Variants in ATG13 observed in about 807,000 individuals in gnomAD.
The protein encoded by ATG13 is autophagy related 13, also known as autophagy-related protein 13.
Under a neutral mutation model 65.5 loss-of-function variants are expected in ATG13, and 23 were observed. That is an observed-to-expected ratio of 0.35 (90% CI 0.25 to 0.50). The LOEUF (loss-of-function observed/expected upper bound fraction) is 0.50. Ranked by LOEUF, ATG13 falls within the 20% of genes least tolerant of loss-of-function variation. ATG13 has a pLI of 0.98. For missense variants in ATG13, 566 were observed against 677.0 expected (o/e 0.84, Z 1.82); for synonymous variants, 252 against 245.2 (o/e 1.03, Z -0.26).
Position 46,667,903 on chromosome 11 carries a change from C to T in ATG13, c.1251+16C>T, listed in dbSNP as rs778480616. The T allele has an allele frequency of 6.3e-6, 10 of 1,579,794 alleles. No individual in the cohort carries two copies. Among genetic ancestry groups the T allele is most frequent in the Non-Finnish European group, 8.7e-7 (1 of 1,149,748 alleles). On this transcript the variant is annotated intron_variant, in intron 15 of 18. Transcript: ENST00000683050. Reference sequence around the variant, plus strand: ...CATTAACCAGGTGATTTTTCTGCCACTGCCACCTGTGAGAATGTCTGAGTT... The same window carrying T: ...CATTAACCAGGTGATTTTTCTGCCATTGCCACCTGTGAGAATGTCTGAGTT...
chr11:46,669,611 A>G, intron 18 of ATG13, 79 bp downstream of exon 18: 1 of 1,478,304 alleles, frequency 6.8e-7, no homozygotes, highest in Non-Finnish European at 9.3e-7. Context: ...GAGGCCTACC[A>G]CCTTCTATCT....
At chr11:46,643,727 A>G (rs533094969) in intron 2 of ATG13, among the ~76,000 whole-genome samples, 1 of 150,720 alleles carries the variant, frequency 6.6e-6, no homozygotes, top group African/African-American at 2.4e-5. Context: ...ATGTGTTGGG[A>G]TTACAGGCAT....
chr11:46,666,676 A>G (rs1436825452), intron 14 of ATG13, among the ~76,000 whole-genome samples: 1 of 152,182 alleles, frequency 6.6e-6, no homozygotes, highest in Admixed American at 6.5e-5. Context: ...CACAGGGCAC[A>G]AGGGCGAGCA....
intron 11 of ATG13, among the ~76,000 whole-genome samples, chr11:46,660,538 A>G (rs1457549464): frequency 6.6e-6 from 1 of 151,350 alleles, no homozygotes; most frequent in Non-Finnish European, 1.5e-5. Context: ...CCTCCCGAGT[A>G]GCTGGGACTA....
chr11:46,665,722 T>C (rs1019122315), intron 14 of ATG13, among the ~76,000 whole-genome samples: 3 of 151,794 alleles, frequency 2.0e-5, no homozygotes, highest in African/African-American at 7.3e-5. Flanking sequence ...GGTGGGAGGA[T>C]TGCCTGAGGC....
At chr11:46,644,526 T>C (rs1421785577) in intron 3 of ATG13, among the ~76,000 whole-genome samples, 166 bp downstream of exon 3, 1 of 152,018 alleles carries the variant, frequency 6.6e-6, no homozygotes, top group Non-Finnish European at 1.5e-5. Flanking sequence ...GGGGGCGGTA[T>C]TGGGGGTGTA....
chr11:46,629,313 ACT>A (rs2050843640), intron 1 of ATG13, among the ~76,000 whole-genome samples: 1 of 152,114 alleles, frequency 6.6e-6, no homozygotes, highest in Non-Finnish European at 1.5e-5. Flanking sequence ...ATGCAGTCAC[ACT>A]CATAGTGTGT....
At chr11:46,656,046 C>A (rs539826324) in intron 7 of ATG13, among the ~76,000 whole-genome samples, 187 bp from the exon 8 acceptor site, 2 of 152,246 alleles carry the variant, frequency 1.3e-5, no homozygotes, top group East Asian at 3.9e-4. Context: ...TTTAACCAAC[C>A]CACTCTGTAC....
chr11:46,648,777 TAAAAAAAAAAAA>T (rs540301936), intron 5 of ATG13: 1 of 118,760 alleles, frequency 8.4e-6, no homozygotes, highest in South Asian at 2.6e-4. Context: ...ACTCTGTCTT[TAAAAAAAAAAAA>T]AAAAAAAAAA....
intron 2 of ATG13, among the ~76,000 whole-genome samples, chr11:46,633,022 ATATAT>A (rs1757002960): frequency 9.9e-6 from 1 of 100,636 alleles, no homozygotes; most frequent in African/African-American, 6.3e-5. Context: ...ATATATATAT[ATATAT>A]TTTTTTTTTT....
At chr11:46,629,332 G>C (rs1034602749) in intron 1 of ATG13, among the ~76,000 whole-genome samples, 3 of 152,128 alleles carry the variant, frequency 2.0e-5, no homozygotes, top group Non-Finnish European at 2.9e-5. Flanking sequence ...GTGTATTTTT[G>C]TGTGCGCTTT....
intron 7 of ATG13, among the ~76,000 whole-genome samples, chr11:46,655,978 C>G (rs2059967744): frequency 6.6e-6 from 1 of 152,206 alleles, no homozygotes; most frequent in Admixed American, 6.5e-5. Flanking sequence ...AAGTGATCCT[C>G]CCGAAGTGCT....
At chr11:46,667,685 A>G in intron 14 of ATG13, 88 bp from the exon 15 acceptor site, 1 of 1,036,422 alleles carries the variant, frequency 9.6e-7, no homozygotes, top group Non-Finnish European at 1.4e-6. Context: ...GCCCTAGGCC[A>G]CAGCCCCACC....
At chr11:46,652,844 C>G (rs1372680194) in intron 7 of ATG13, among the ~76,000 whole-genome samples, 2 of 152,186 alleles carry the variant, frequency 1.3e-5, no homozygotes, top group Non-Finnish European at 2.9e-5. Context: ...AGCAAGATCT[C>G]TTTTACCAAC....
At chr11:46,626,587 T>C (rs1371297259) in intron 1 of ATG13, among the ~76,000 whole-genome samples, 1 of 152,162 alleles carries the variant, frequency 6.6e-6, no homozygotes, top group Non-Finnish European at 1.5e-5. Flanking sequence ...CAGTATGTTA[T>C]CTTTGATGAC....
chr11:46,644,247 T>C (rs768868930), intron 2 of ATG13, 32 bp from the exon 3 acceptor site: 4 of 1,465,778 alleles, frequency 2.7e-6, no homozygotes, highest in Non-Finnish European at 3.8e-6. Flanking sequence ...TTTAAAGATA[T>C]TAGTCATATT....
intron 18 of ATG13, 132 bp downstream of exon 18, chr11:46,669,664 G>T: frequency 8.6e-7 from 1 of 1,169,582 alleles, no homozygotes; most frequent in Non-Finnish European, 1.2e-6. Context: ...ATTATCTTTT[G>T]ATCACTCTTG....
chr11:46,633,825 A>C (rs931700453), intron 2 of ATG13, among the ~76,000 whole-genome samples: 2 of 152,158 alleles, frequency 1.3e-5, no homozygotes, highest in African/African-American at 4.8e-5. Flanking sequence ...AAATATATTT[A>C]TATGCTATAT....
At chr11:46,627,416 A>G (rs142345350) in intron 1 of ATG13, among the ~76,000 whole-genome samples, 1 of 152,142 alleles carries the variant, frequency 6.6e-6, no homozygotes, top group Non-Finnish European at 1.5e-5. Context: ...ATGTAAAATT[A>G]TAAATTAAAT....
Sources: allele counts gnomAD v4.1 joint callset (sites outside exome capture counted in the v4.1 genomes callset), GRCh38; gene constraint gnomAD v4.1.1; transcripts MANE v1.5; gene names NCBI Gene and HGNC (gene_info 2026-07-23, HGNC 2026-07-21).